The following ABTB3 variants were observed in gnomAD, a reference collection of about 807,000 sequenced individuals.
The protein encoded by ABTB3 is ankyrin repeat- and BTB/POZ domain-containing protein 3.
the ABTB3 span, chr12:107,520,668 C>T: frequency 1.2e-6 from 2 of 1,611,158 alleles, no homozygotes; most frequent in Admixed American, 3.3e-5. Context: ...AGCTCTCATG[C>T]CTCAAGACAT....
the ABTB3 span, among the ~76,000 whole-genome samples, chr12:107,564,090 C>CTCTCTGTGTG: frequency 1.6e-5 from 2 of 126,356 alleles, no homozygotes; most frequent in African/African-American, 5.6e-5. Flanking sequence ...ATCTATCTCT[C>CTCTCTGTGTG]TGTGTGTGTG....
chr12:107,407,576 G>A, the ABTB3 span, among the ~76,000 whole-genome samples: 5 of 152,208 alleles, frequency 3.3e-5, no homozygotes, highest in Admixed American at 2.6e-4. Flanking sequence ...AGCTGGGGCA[G>A]GTGCCTTCAT....
At chr12:107,368,587 C>A in the ABTB3 span, among the ~76,000 whole-genome samples, 4 of 152,026 alleles carry the variant, frequency 2.6e-5, no homozygotes, top group Non-Finnish European at 5.9e-5. Flanking sequence ...CCATATGGAC[C>A]CCATGCAAGT....
At chr12:107,576,737 C>T in the ABTB3 span, among the ~76,000 whole-genome samples, 4 of 152,308 alleles carry the variant, frequency 2.6e-5, no homozygotes, top group East Asian at 7.7e-4. Context: ...TGGATGTCCT[C>T]ACTCCTAGGT....
chr12:107,462,930 C>T, the ABTB3 span, among the ~76,000 whole-genome samples: 1 of 148,974 alleles, frequency 6.7e-6, no homozygotes, highest in Non-Finnish European at 1.5e-5. Context: ...GTGATGATGA[C>T]TGTGGTGATG....
chr12:107,618,472 T>G, the ABTB3 span: 1 of 1,069,026 alleles, frequency 9.4e-7, no homozygotes, highest in Non-Finnish European at 1.3e-6. Flanking sequence ...CACATACACA[T>G]GCAAAACACG....
chr12:107,525,716 G>A, the ABTB3 span, among the ~76,000 whole-genome samples: 7 of 152,308 alleles, frequency 4.6e-5, no homozygotes, highest in South Asian at 1.2e-3. Context: ...ACCCTTGCCT[G>A]TTTCCTCAGG....
chr12:107,611,218 C>CA, the ABTB3 span, among the ~76,000 whole-genome samples: 1 of 151,418 alleles, frequency 6.6e-6, no homozygotes, highest in Non-Finnish European at 1.5e-5. Flanking sequence ...GTTGAATATT[C>CA]TTTTTTTTTA....
At chr12:107,539,696 G>A in the ABTB3 span, among the ~76,000 whole-genome samples, 1 of 152,160 alleles carries the variant, frequency 6.6e-6, no homozygotes, top group African/African-American at 2.4e-5. Flanking sequence ...CAGCCCATGA[G>A]CCCAGGAGAA....
the ABTB3 span, among the ~76,000 whole-genome samples, chr12:107,321,344 C>A: frequency 2.0e-5 from 3 of 152,122 alleles, no homozygotes; most frequent in African/African-American, 7.2e-5. Context: ...TGTGAGTGTG[C>A]GCAGGAACAA....
At chr12:107,345,506 G>T in the ABTB3 span, among the ~76,000 whole-genome samples, 2 of 152,126 alleles carry the variant, frequency 1.3e-5, no homozygotes, top group South Asian at 2.1e-4. Flanking sequence ...TAAGCAGAAG[G>T]GGGGGATTAT....
the ABTB3 span, among the ~76,000 whole-genome samples, chr12:107,326,296 G>A: frequency 1.3e-5 from 2 of 152,342 alleles, no homozygotes; most frequent in Admixed American, 1.3e-4. Flanking sequence ...GATTGGGAGA[G>A]GAGTGGGGTT....
chr12:107,508,434 A>ATTTTTTTTTTTTTTTTTTTTTTTTTT, the ABTB3 span, among the ~76,000 whole-genome samples: 3 of 58,712 alleles, frequency 5.1e-5, no homozygotes, highest in Non-Finnish European at 1.1e-4. Flanking sequence ...CTCAAAGATC[A>ATTTTTTTTTTTTTTTTTTTTTTTTTT]TTTCTTTTTT....
chr12:107,652,416 A>G, the ABTB3 span, among the ~76,000 whole-genome samples: 1 of 152,168 alleles, frequency 6.6e-6, no homozygotes, highest in East Asian at 1.9e-4. Flanking sequence ...CCCATCACAG[A>G]CTCATCAAAT....
the ABTB3 span, chr12:107,649,301 A>G: frequency 6.3e-7 from 1 of 1,597,272 alleles, no homozygotes; most frequent in Non-Finnish European, 8.6e-7. Flanking sequence ...GGTGTTGGCT[A>G]TCATAGGTCC....
At chr12:107,429,675 G>A in the ABTB3 span, among the ~76,000 whole-genome samples, 1 of 152,208 alleles carries the variant, frequency 6.6e-6, no homozygotes, top group Non-Finnish European at 1.5e-5. Context: ...CCAGGGCTCT[G>A]CACACAAGAT....
the ABTB3 span, chr12:107,319,275 G>A: frequency 1.3e-6 from 2 of 1,547,158 alleles, no homozygotes; most frequent in Admixed American, 1.9e-5. Flanking sequence ...CTGCGTTCGC[G>A]GGATCCCCGG....
chr12:107,555,134 A>G, the ABTB3 span, among the ~76,000 whole-genome samples: 1 of 152,224 alleles, frequency 6.6e-6, no homozygotes, highest in East Asian at 1.9e-4. Context: ...TTTAATGATC[A>G]TCCTTAGCCT....
chr12:107,482,250 C>T, the ABTB3 span, among the ~76,000 whole-genome samples: 1 of 152,178 alleles, frequency 6.6e-6, no homozygotes, highest in Non-Finnish European at 1.5e-5. Context: ...AGCTCTGACA[C>T]AAGCTGCCTA....
Sources: gnomAD v4.1 joint callset for allele counts (sites outside exome capture counted in the v4.1 genomes callset) on GRCh38, gnomAD v4.1.1 for gene constraint, MANE v1.5 for transcripts, NCBI Gene and HGNC (gene_info 2026-07-23, HGNC 2026-07-21) for gene names.